The following WDR26 variants were observed in gnomAD, a reference collection of about 807,000 sequenced individuals.
WDR26 encodes WD repeat domain 26, also known as WD repeat-containing protein 26.
A neutral mutation model predicts 84.1 loss-of-function variants in WDR26; 5 were observed. The observed-to-expected ratio is 0.06, with a 90% confidence interval of 0.03 to 0.13. WDR26 has a LOEUF of 0.13. Among genes scored for constraint, WDR26 ranks in the 10% least tolerant of loss-of-function variants. The pLI is 1.00. For missense variants in WDR26, 642 were observed against 974.9 expected (o/e 0.66, Z 4.55); for synonymous variants, 415 against 389.6 (o/e 1.07, Z -0.77).
chr1:224,431,597 TAAAAGA>T lies in WDR26; in HGVS notation c.823-22_823-17del, dbSNP rs766718645. 1.4e-5 allele frequency: 23 copies of T among 1,612,262 alleles called. No individual in the cohort carries two copies. Among genetic ancestry groups the T allele is most frequent in the Non-Finnish European group, 1.9e-5 (22 of 1,178,612 alleles). On this transcript the variant is annotated splice_polypyrimidine_tract_variant and intron_variant, in intron 2 of 13. Coordinates refer to ENST00000414423, the MANE Select transcript of WDR26 (RefSeq NM_001379403.1). The stretch of plus-strand genomic sequence containing the variant: ...CATTTTCTGCCTGTAAAAATTGGTA[TAAAAGA>T]AAAACAGAAATGTCACAAAATGCAC...
At chr1:224,411,082 C>G (rs1465534890) in intron 7 of WDR26, among the ~76,000 whole-genome samples, 1 of 152,156 alleles carries the variant, frequency 6.6e-6, no homozygotes, top group African/African-American at 2.4e-5. Context: ...GGATTTGAGT[C>G]AAACTTTGTC....
chr1:224,402,971 A>C (rs1473703999), intron 8 of WDR26, among the ~76,000 whole-genome samples: 1 of 152,198 alleles, frequency 6.6e-6, no homozygotes, highest in African/African-American at 2.4e-5. Context: ...TTTTTAAAAG[A>C]TACATGCTTA....
chr1:224,394,034 A>G, intron 12 of WDR26, 21 bp from the exon 13 acceptor site: 1 of 1,413,996 alleles, frequency 7.1e-7, no homozygotes, highest in Non-Finnish European at 9.4e-7. Context: ...AGTAATTCAG[A>G]AAAAAGTTTT....
chr1:224,397,964 T>C, intron 12 of WDR26, 133 bp downstream of exon 12: 1 of 1,070,720 alleles, frequency 9.3e-7, no homozygotes, highest in Non-Finnish European at 1.3e-6. Flanking sequence ...AGAGAGAAAT[T>C]AACCGTGTAT....
At position 224,434,116 on chromosome 1, in the gene WDR26, C is replaced by T. The variant is rs1451883656; in HGVS notation, c.290G>A (p.Ser97Asn). 1 of 1,429,310 alleles carries T rather than the reference C, an allele frequency of 7.0e-7. No homozygotes were observed. The highest frequency in any genetic ancestry group is 9.1e-7 in the Non-Finnish European group (1 of 1,095,674). The allele number at this position is 1,429,310 out of a possible 1,614,324, so 88.5% of individuals were successfully genotyped here. ...CCCATTGGCCTGCATGATGCTGCCG[C>T]TGACCAGGCTGTGGCCGCTACTTCG... Residue 97 changes from serine (S) to asparagine (N), a missense_variant, in exon 1 of 14, where the codon AGC becomes AAC. Transcript: ENST00000414423.
chr1:224,428,793 C>T (rs910612347), intron 3 of WDR26, among the ~76,000 whole-genome samples: 3 of 150,828 alleles, frequency 2.0e-5, no homozygotes, highest in African/African-American at 7.3e-5. Flanking sequence ...GTAATTCCAA[C>T]TACTTGGGAG....
At chr1:224,407,514 T>A (rs986379104) in intron 7 of WDR26, among the ~76,000 whole-genome samples, 2 of 148,656 alleles carry the variant, frequency 1.3e-5, no homozygotes, top group African/African-American at 4.9e-5. Flanking sequence ...TATATAAATT[T>A]TTTTTTTTTT....
At chr1:224,405,602 C>T (rs1673527913) in intron 7 of WDR26, among the ~76,000 whole-genome samples, 1 of 152,206 alleles carries the variant, frequency 6.6e-6, no homozygotes, top group African/African-American at 2.4e-5. Flanking sequence ...TCATTTAATT[C>T]TCACAAATCT....
intron 10 of WDR26, 23 bp from the exon 11 acceptor site, chr1:224,398,616 C>A: frequency 6.4e-7 from 1 of 1,557,234 alleles, no homozygotes; most frequent in South Asian, 1.2e-5. Context: ...AATAATTTGT[C>A]AAAAACAACA....
At chr1:224,424,696 G>A (rs780097773) in intron 3 of WDR26, 42 bp from the exon 4 acceptor site, 16 of 1,613,260 alleles carry the variant, frequency 9.9e-6, no homozygotes, top group Admixed American at 6.7e-5. Context: ...AAAAGTTGAT[G>A]GAAGTTTCAG....
intron 12 of WDR26, among the ~76,000 whole-genome samples, chr1:224,397,251 A>C (rs1305380407): frequency 2.0e-5 from 3 of 152,140 alleles, no homozygotes; most frequent in Admixed American, 6.5e-5. Context: ...TAGGCCTCCC[A>C]GAGTGTTGAG....
rs764465085 is a variant in WDR26 at position 224,389,822 on chromosome 1, T to A, written c.*13A>T. On this transcript the variant is annotated 3_prime_UTR_variant, in exon 14 of 14. Coordinates refer to ENST00000414423, the MANE Select transcript of WDR26 (RefSeq NM_001379403.1). ...TTTAAGTTAAACAGAAGTCGTCTGC[T>A]CCAAATTCACCATCAACTATCCATG... 7.5e-7 allele frequency: 1 copy of A among 1,335,640 alleles called. No individual in the cohort carries two copies. The highest frequency in any genetic ancestry group is 5.1e-5 in the East Asian group (1 of 19,692). The allele number at this position is 1,335,640 out of a possible 1,614,324, so 82.7% of individuals were successfully genotyped here.
At chr1:224,409,198 T>A (rs1021998922) in intron 7 of WDR26, among the ~76,000 whole-genome samples, 3 of 152,212 alleles carry the variant, frequency 2.0e-5, no homozygotes, top group African/African-American at 7.2e-5. Flanking sequence ...TTTATGCTCA[T>A]CACTACTTCA....
intron 3 of WDR26, among the ~76,000 whole-genome samples, chr1:224,428,654 T>C (rs1235531182): frequency 6.6e-6 from 1 of 151,910 alleles, no homozygotes; most frequent in Non-Finnish European, 1.5e-5. Flanking sequence ...CCCAGCACTC[T>C]GCGAGGCTGA....
At chr1:224,390,530 G>A (rs991173512) in intron 13 of WDR26, among the ~76,000 whole-genome samples, 6 of 152,242 alleles carry the variant, frequency 3.9e-5, no homozygotes, top group African/African-American at 1.4e-4. Flanking sequence ...GTCTAAGGTA[G>A]AATAACGTGT....
intron 12 of WDR26, among the ~76,000 whole-genome samples, chr1:224,394,824 T>C (rs748024245): frequency 1.3e-5 from 2 of 152,126 alleles, no homozygotes; most frequent in Non-Finnish European, 1.5e-5. Context: ...GATTGAAACA[T>C]AGGTTATGGT....
In WDR26 at chr1:224,433,942, T is replaced by C; in HGVS notation, c.464A>G (p.His155Arg). 2.0e-6 allele frequency: 3 copies of C among 1,535,028 alleles called. No homozygotes were observed. Among genetic ancestry groups the C allele is most frequent in the African/African-American group, 1.4e-5 (1 of 73,074 alleles). Reference sequence around the variant, plus strand: ...GGCGGAAGGCAGGAGCCCATTGGCGTGGGCCAGGTCCCCCGCGGACGACGA... The same window carrying C: ...GGCGGAAGGCAGGAGCCCATTGGCGCGGGCCAGGTCCCCCGCGGACGACGA... Residue 155 changes from histidine (H) to arginine (R), a missense_variant, in exon 1 of 14, where the codon CAC becomes CGC. His to Arg is a conservative substitution (Grantham distance 29). Coordinates refer to ENST00000414423, the MANE Select transcript of WDR26 (RefSeq NM_001379403.1).
chr1:224,433,593 G>GCCCCCCA lies in WDR26; in HGVS notation c.722+90_722+91insTGGGGGG. The GCCCCCCA allele has an allele frequency of 3.6e-6, 3 of 829,660 alleles. 1 individual carries two copies. The highest frequency in any genetic ancestry group is 5.3e-6 in the Non-Finnish European group (3 of 562,926). 51.4% of individuals were successfully genotyped at this position (829,660 alleles called of 1,614,324 possible). On this transcript the variant is annotated intron_variant, in intron 1 of 13. Transcript: ENST00000414423. ...ATTCTCTTTGACCGAGCTCTTTCAA[G>GCCCCCCA]CCCCCCTCCCCCCTCCGCCCCTTCC...
chr1:224,427,104 C>CAAA (rs1331410813), intron 3 of WDR26, among the ~76,000 whole-genome samples: 1 of 125,908 alleles, frequency 7.9e-6, no homozygotes, highest in African/African-American at 3.2e-5. Flanking sequence ...ACTCTGTCTC[C>CAAA]AAAAAAAAAA....
Sources: allele counts gnomAD v4.1 joint callset (sites outside exome capture counted in the v4.1 genomes callset), GRCh38; gene constraint gnomAD v4.1.1; transcripts MANE v1.5; gene names NCBI Gene and HGNC (gene_info 2026-07-23, HGNC 2026-07-21).